Variants in MEGF10 observed in about 807,000 individuals in gnomAD.
MEGF10 encodes the protein multiple epidermal growth factor-like domains protein 10.
A neutral mutation model predicts 147.5 loss-of-function variants in MEGF10; 86 were observed. That is an observed-to-expected ratio of 0.58 (90% CI 0.49 to 0.70). The LOEUF is 0.70. Ranked by LOEUF, MEGF10 falls within the 30% of genes least tolerant of loss-of-function variation. The probability of loss-of-function intolerance (pLI) is 0.00; values close to 1 mark genes in which losing one functional copy is unlikely to be tolerated. For missense variants in MEGF10, 1,329 were observed against 1,487.3 expected, an observed-to-expected ratio of 0.89 and a Z score of 1.75; for synonymous variants, 478 against 525.5, an observed-to-expected ratio of 0.91 and a Z score of 1.24.
chr5:127,334,158 CAAA>C (rs1561577407), intron 2 of MEGF10, among the ~76,000 whole-genome samples: 1 of 152,008 alleles, frequency 6.6e-6, no homozygotes, highest in African/African-American at 2.4e-5. Context: ...CTAGTATTTT[CAAA>C]AATGTAAATG....
chr5:127,402,579 C>T lies in MEGF10; in HGVS notation c.814C>T (p.Arg272Cys), dbSNP rs748380473. 42 of 1,613,938 alleles carry T rather than the reference C, an allele frequency of 2.6e-5. No individual in the cohort carries two copies. Among genetic ancestry groups the T allele is most frequent in the Non-Finnish European group, 3.2e-5 (38 of 1,179,962 alleles). The change falls in exon 8 of 25, where the codon CGC becomes TGC. Residue 272 changes from arginine (R) to cysteine (C), a missense_variant. Transcript: ENST00000503335. ...TVCGQPCPEG[R>C]FGKNCSQECQ... ...GTGTGGTCAGCCTTGCCCCGAGGGTCGCTTTGGAAAGAACTGTTCCCAAGA... is the reference window on the plus strand; with the variant it reads ...GTGTGGTCAGCCTTGCCCCGAGGGTTGCTTTGGAAAGAACTGTTCCCAAGA...
At chr5:127,322,935 A>G (rs903549022) in intron 1 of MEGF10, among the ~76,000 whole-genome samples, 2 of 152,132 alleles carry the variant, frequency 1.3e-5, no homozygotes, top group South Asian at 2.1e-4. Flanking sequence ...GTGTATATAT[A>G]TATTTACACA....
intron 5 of MEGF10, among the ~76,000 whole-genome samples, chr5:127,386,302 T>C (rs1011101098): frequency 3.3e-5 from 5 of 152,212 alleles, no homozygotes; most frequent in African/African-American, 1.2e-4. Flanking sequence ...TGGTGAACCA[T>C]GGGCATAGAT....
chr5:127,289,246 T>G (rs973975431), upstream of MEGF10, among the ~76,000 whole-genome samples: 11 of 152,192 alleles, frequency 7.2e-5, no homozygotes, highest in African/African-American at 2.7e-4. Context: ...TAAAGTTGAT[T>G]AAAAAATTAA....
intron 22 of MEGF10, among the ~76,000 whole-genome samples, chr5:127,454,219 C>T (rs1766268235): frequency 6.6e-6 from 1 of 152,206 alleles, no homozygotes. Context: ...CTTGAAAGAG[C>T]TGCACGTAGG....
intron 5 of MEGF10, among the ~76,000 whole-genome samples, chr5:127,389,555 G>A (rs1184730673): frequency 6.6e-6 from 1 of 152,098 alleles, no homozygotes; most frequent in African/African-American, 2.4e-5. Flanking sequence ...ATAAAGAAAA[G>A]GTGCTACAAA....
At chr5:127,232,962 A>G in the MEGF10 span, among the ~76,000 whole-genome samples, 19 of 152,244 alleles carry the variant, frequency 1.2e-4, no homozygotes, top group Non-Finnish European at 2.4e-4. Context: ...GTGAGCCTTA[A>G]TCCCACCTTG....
intron 4 of MEGF10, among the ~76,000 whole-genome samples, chr5:127,345,512 G>A (rs1225929107): frequency 6.6e-6 from 1 of 152,166 alleles, no homozygotes; most frequent in Non-Finnish European, 1.5e-5. Flanking sequence ...TAGAAAAAAA[G>A]AAAGGATTGG....
At position 127,434,803 on chromosome 5, in the gene MEGF10, G is replaced by A; in HGVS notation, c.1957G>A (p.Gly653Ser). ...GLCDCLPGFT[G>S]ALCNEVCPSG... ...GTGTGACTGCTTGCCTGGCTTCACAGGCGCCCTCTGCAATGAAGGTAAGGC... is the reference window on the plus strand; with the variant it reads ...GTGTGACTGCTTGCCTGGCTTCACAAGCGCCCTCTGCAATGAAGGTAAGGC... Residue 653 changes from glycine to serine, a missense_variant, in exon 15 of 25, where the codon GGC becomes AGC. Transcript: ENST00000503335. The A allele has an allele frequency of 1.2e-6, 2 of 1,613,336 alleles. No homozygotes were observed. Among genetic ancestry groups the A allele is most frequent in the East Asian group, 4.5e-5 (2 of 44,848 alleles).
the MEGF10 span, among the ~76,000 whole-genome samples, chr5:127,263,129 A>G: frequency 6.6e-6 from 1 of 152,180 alleles, no homozygotes; most frequent in Non-Finnish European, 1.5e-5. Flanking sequence ...AATTTGAAAC[A>G]TACTATGGTA....
In MEGF10 at chr5:127,447,625, C is replaced by G. The variant is rs775638333; in HGVS notation, c.2797C>G (p.Leu933Val). The G allele has an allele frequency of 3.1e-6, 5 of 1,614,042 alleles. No homozygotes were observed. In the African/African-American group the frequency reaches 6.7e-5, roughly 22 times the overall value. The stretch of plus-strand genomic sequence containing the variant: ...CTTCACCAATCCCAGTTACCACACG[C>G]TCACCCAGTGTGCCACATCCCCTCA... ...HYFTNPSYHT[L>V]TQCATSPHVN... Residue 933 changes from leucine to valine, a missense_variant, in exon 21 of 25, where the codon CTC becomes GTC. Around this residue, in one of 3 missense-constraint regions of MEGF10, gnomAD observed 343 missense variants for 377.9 expected, o/e 0.91. Coordinates refer to ENST00000503335, the MANE Select transcript of MEGF10 (RefSeq NM_001256545.2).
chr5:127,446,832 C>T (rs376447047), intron 20 of MEGF10, among the ~76,000 whole-genome samples: 15 of 152,166 alleles, frequency 9.9e-5, no homozygotes, highest in South Asian at 6.2e-4. Flanking sequence ...CCCTGATTAG[C>T]TAAGGCAGGT....
At chr5:127,321,166 A>C (rs1760771945) in intron 1 of MEGF10, among the ~76,000 whole-genome samples, 1 of 152,094 alleles carries the variant, frequency 6.6e-6, no homozygotes, top group Admixed American at 6.6e-5. Context: ...GCCACCTACA[A>C]ATGAGCTCTG....
chr5:127,248,164 A>G, the MEGF10 span, among the ~76,000 whole-genome samples: 547 of 152,244 alleles, frequency 3.6e-3, 2 homozygotes, highest in African/African-American at 0.012. Context: ...TAAGTAAAAA[A>G]GGGGTATAGC....
chr5:127,262,164 A>G, the MEGF10 span, among the ~76,000 whole-genome samples: 1 of 152,184 alleles, frequency 6.6e-6, no homozygotes, highest in Non-Finnish European at 1.5e-5. Flanking sequence ...TTTGGGTATC[A>G]TATCTAAAAA....
intron 4 of MEGF10, among the ~76,000 whole-genome samples, chr5:127,369,608 T>C (rs1403075910): frequency 6.6e-6 from 1 of 152,212 alleles, no homozygotes; most frequent in Non-Finnish European, 1.5e-5. Flanking sequence ...TATTTGATAC[T>C]CACTGATAAT....
chr5:127,427,674 T>C (rs999425031), intron 13 of MEGF10, among the ~76,000 whole-genome samples: 1 of 152,114 alleles, frequency 6.6e-6, no homozygotes, highest in Non-Finnish European at 1.5e-5. Flanking sequence ...TTTGACCAGC[T>C]GAGTGAGTGA....
intron 24 of MEGF10, among the ~76,000 whole-genome samples, chr5:127,456,740 T>C (rs1339922189): frequency 1.3e-5 from 2 of 152,234 alleles, no homozygotes; most frequent in Non-Finnish European, 2.9e-5. Flanking sequence ...CCTAAAGTTC[T>C]GAACATGTTG....
chr5:127,423,153 A>C (rs546381104), intron 13 of MEGF10, among the ~76,000 whole-genome samples: 2 of 152,360 alleles, frequency 1.3e-5, no homozygotes, highest in Non-Finnish European at 1.5e-5. Context: ...TACAGATATT[A>C]ATATGGTGAA....
Sources: allele counts gnomAD v4.1 joint callset (sites outside exome capture counted in the v4.1 genomes callset), GRCh38; gene constraint gnomAD v4.1.1; regional missense constraint gnomAD v4.1.1; transcripts MANE v1.5; gene names NCBI Gene and HGNC (gene_info 2026-07-23, HGNC 2026-07-21).